The following PRKN variants were observed in gnomAD, a reference collection of about 807,000 sequenced individuals.
PRKN encodes E3 ubiquitin-protein ligase parkin.
PRKN carries 56 observed loss-of-function variants against 59.5 expected under a neutral mutation model. The observed-to-expected ratio is 0.94, with a 90% CI of 0.76 to 1.18. The LOEUF (loss-of-function observed/expected upper bound fraction) is 1.18, where lower values mean the gene tolerates loss of function less well. Ranked by LOEUF, PRKN falls within the 50% of genes most tolerant of loss-of-function variation. The probability of loss-of-function intolerance (pLI) is 0.00; values close to 1 mark genes in which losing one functional copy is unlikely to be tolerated. For synonymous variants in PRKN, 250 were observed against 222.1 expected (o/e 1.13, Z -1.12); for missense variants, 657 against 596.4 (o/e 1.10, Z -1.06).
intron 2 of PRKN, among the ~76,000 whole-genome samples, chr6:162,347,627 A>C (rs530383472): frequency 6.6e-6 from 1 of 152,174 alleles, no homozygotes; most frequent in South Asian, 2.1e-4. Flanking sequence ...TATAGTACTT[A>C]TGTATATATA....
intron 1 of PRKN, among the ~76,000 whole-genome samples, chr6:162,608,383 A>G (rs894496562): frequency 3.3e-5 from 5 of 152,198 alleles, no homozygotes; most frequent in Non-Finnish European, 7.3e-5. Flanking sequence ...GCTCAAGGAC[A>G]GGAAAGGAAG....
intron 1 of PRKN, among the ~76,000 whole-genome samples, chr6:162,512,029 G>T (rs906068647): frequency 7.9e-5 from 12 of 152,144 alleles, no homozygotes; most frequent in African/African-American, 2.9e-4. Context: ...AGCACAGAAA[G>T]GTTGATGAAA....
intron 2 of PRKN, among the ~76,000 whole-genome samples, chr6:162,345,874 C>T (rs1231853946): frequency 2.0e-5 from 3 of 151,948 alleles, no homozygotes; most frequent in Non-Finnish European, 4.4e-5. Flanking sequence ...AAACTTAATC[C>T]CCAAATTCGT....
chr6:161,445,795 TTTCCCTTCCC>T lies in PRKN; in HGVS notation c.1084-58928_1084-58919del, dbSNP rs11272825. Reference sequence around the variant, plus strand: ...GGCCGCCAGCAAAGAATACAAGGGGTTTCCCTTCCCTTCCCTTCCCTTCCCTTCCCTTCCC... The same window carrying T: ...GGCCGCCAGCAAAGAATACAAGGGGTTTCCCTTCCCTTCCCTTCCCTTCCC... On this transcript the variant is annotated intron_variant, in intron 9 of 11. Coordinates refer to ENST00000366898, the MANE Select transcript of PRKN (RefSeq NM_004562.3). This position sits in a 1 kb window ranked among gnomAD's most constrained non-coding sequence, Gnocchi z 7.7. Among the ~76,000 whole-genome samples the T allele has an allele frequency of 0.24, 35,460 of 149,284 alleles. 4,441 individuals are homozygous for T. Among genetic ancestry groups the T allele is most frequent in the Middle Eastern group, 0.29 (86 of 292 alleles).
chr6:162,614,800 T>C (rs1782336440), intron 1 of PRKN, among the ~76,000 whole-genome samples: 1 of 152,190 alleles, frequency 6.6e-6, no homozygotes, highest in Non-Finnish European at 1.5e-5. Context: ...GAAAGATAAC[T>C]AGCATAGAAA....
At chr6:162,430,536 A>AT (rs1225833665) in intron 2 of PRKN, among the ~76,000 whole-genome samples, 3 of 152,216 alleles carry the variant, frequency 2.0e-5, no homozygotes, top group Middle Eastern at 6.8e-3. Flanking sequence ...GAGTGAACAG[A>AT]TTTTAAAACA....
chr6:162,146,426 G>T (rs1464291425), intron 4 of PRKN, among the ~76,000 whole-genome samples: 3 of 150,322 alleles, frequency 2.0e-5, no homozygotes, highest in Admixed American at 2.0e-4. Flanking sequence ...TAAATGTTTA[G>T]TAAATATATA....
At chr6:162,364,295 G>A (rs1785304063) in intron 2 of PRKN, among the ~76,000 whole-genome samples, 2 of 152,144 alleles carry the variant, frequency 1.3e-5, no homozygotes, top group South Asian at 2.1e-4. Context: ...TATCTGTACT[G>A]TTTCCATACC....
At chr6:162,691,394 T>A (rs1777769153) in intron 1 of PRKN, among the ~76,000 whole-genome samples, 1 of 152,180 alleles carries the variant, frequency 6.6e-6, no homozygotes, top group South Asian at 2.1e-4. Flanking sequence ...CATAATGGAT[T>A]AGTGTCAGAA....
Position 161,388,805 on chromosome 6 carries a change from G to A in PRKN, c.1084-1928C>T, listed in dbSNP as rs970068993. Reference sequence around the variant, plus strand: ...ATGGAGAAGAGCTGCGGCCTCAGCCGCAACAATAGCCCTGTCTGAGCTTTT... The same window carrying A: ...ATGGAGAAGAGCTGCGGCCTCAGCCACAACAATAGCCCTGTCTGAGCTTTT... On this transcript the variant is annotated intron_variant, in intron 9 of 11. Transcript: ENST00000366898. This position sits in a 1 kb window ranked among gnomAD's most constrained non-coding sequence, Gnocchi z 4.3. 4.6e-5 allele frequency among the ~76,000 whole-genome samples: 7 copies of A among 152,238 alleles called. No homozygotes were observed. The highest frequency in any genetic ancestry group is 1.4e-4 in the African/African-American group (6 of 41,466).
At chr6:162,400,848 G>A (rs1787756532) in intron 2 of PRKN, among the ~76,000 whole-genome samples, 1 of 151,970 alleles carries the variant, frequency 6.6e-6, no homozygotes, top group Non-Finnish European at 1.5e-5. Flanking sequence ...ATTTGAATGA[G>A]GGAACTACTA....
chr6:161,664,113 G>A (rs141374171), intron 7 of PRKN, among the ~76,000 whole-genome samples: 32 of 152,340 alleles, frequency 2.1e-4, no homozygotes, highest in Admixed American at 2.0e-3. Flanking sequence ...ATGCATGGAA[G>A]TCAGGAGCTT....
chr6:162,350,336 T>C (rs867507931), intron 2 of PRKN, among the ~76,000 whole-genome samples: 4 of 152,216 alleles, frequency 2.6e-5, no homozygotes, highest in Admixed American at 6.5e-5. Flanking sequence ...TATTTATTTA[T>C]TTTAGAAACT....
At chr6:161,719,259 G>C (rs928806601) in intron 7 of PRKN, among the ~76,000 whole-genome samples, 3 of 151,084 alleles carry the variant, frequency 2.0e-5, no homozygotes, top group African/African-American at 7.3e-5. Flanking sequence ...TATTTCTCAA[G>C]AGTTGCAGGA....
chr6:162,249,125 G>A (rs569642438), intron 3 of PRKN, among the ~76,000 whole-genome samples: 10 of 152,092 alleles, frequency 6.6e-5, no homozygotes, highest in African/African-American at 1.7e-4. Flanking sequence ...TGATCAGCCC[G>A]CCTTGGCCTC....
At chr6:161,747,608 C>A (rs555993745) in intron 7 of PRKN, among the ~76,000 whole-genome samples, 3 of 152,276 alleles carry the variant, frequency 2.0e-5, no homozygotes, top group South Asian at 2.1e-4. Flanking sequence ...ATTAGCAGTG[C>A]ATAATCATTT....
intron 6 of PRKN, among the ~76,000 whole-genome samples, chr6:161,874,902 T>C (rs1583284209): frequency 1.9e-5 from 2 of 107,594 alleles, no homozygotes; most frequent in Non-Finnish European, 3.3e-5. Flanking sequence ...TAATATATAA[T>C]ATATATTATA....
At position 162,165,643 on chromosome 6, in the gene PRKN, C is replaced by A. The variant is rs1420081931; in HGVS notation, c.534+35488G>T. Among the ~76,000 whole-genome samples, 3 of 149,270 alleles carry A rather than the reference C, an allele frequency of 2.0e-5. 1 individual carries two copies. The highest frequency in any genetic ancestry group is 7.6e-5 in the African/African-American group (3 of 39,718). On this transcript the variant is annotated intron_variant, in intron 4 of 11. Transcript: ENST00000366898. ...CTGACAGCATCCGAGGCGGCGGAGC[C>A]ACCGTAATGCTCATGAAGAGTCAGA... is the stretch of plus-strand genomic sequence containing the variant.
chr6:162,621,774 T>A (rs1782676086), intron 1 of PRKN, among the ~76,000 whole-genome samples: 1 of 152,152 alleles, frequency 6.6e-6, no homozygotes, highest in Non-Finnish European at 1.5e-5. Context: ...CATTTCCTTA[T>A]CTTTCTGTTT....
Sources: gnomAD v4.1 joint callset for allele counts (sites outside exome capture counted in the v4.1 genomes callset) on GRCh38, gnomAD v4.1.1 for gene constraint, Gnocchi (gnomAD v3.1) non-coding constraint, MANE v1.5 for transcripts, NCBI Gene and HGNC (gene_info 2026-07-23, HGNC 2026-07-21) for gene names.